NOX1: variants seen among roughly 807,000 people sequenced by gnomAD.
The protein encoded by NOX1 is NADH/NADPH mitogenic oxidase subunit P65-MOX.
A neutral mutation model predicts 42.5 loss-of-function variants in NOX1; 34 were observed. That is an observed-to-expected ratio of 0.80 (90% CI 0.61 to 1.07). The LOEUF is 1.07. NOX1 is among the 50% of genes least tolerant of loss of function. The probability of loss-of-function intolerance (pLI) is 0.00; values close to 1 mark genes in which losing one functional copy is unlikely to be tolerated. For missense variants in NOX1, 408 were observed against 427.0 expected, an observed-to-expected ratio of 0.96 and a Z score of 0.39; for synonymous variants, 143 against 152.5, an observed-to-expected ratio of 0.94 and a Z score of 0.46.
intron 12 of NOX1, among the ~76,000 whole-genome samples, chrX:100,846,401 T>G (rs1225639852): frequency 8.9e-6 from 1 of 112,066 alleles, no homozygotes; most frequent in Non-Finnish European, 1.9e-5. Context: ...TTTATTTTAT[T>G]TTATGTACTG....
chrX:100,849,298 G>A lies in NOX1; in HGVS notation c.1425C>T (p.Thr475=), dbSNP rs377662278. ...VGFLNYRLFL[T]GWDSNIVGHA... is the part of the protein sequence containing the mutation. ...GACTCACAATATTGCTGTCCCATCCGGTGAGGAAGAGACGGTAGTTTAGAA... is the reference window on the plus strand; with the variant it reads ...GACTCACAATATTGCTGTCCCATCCAGTGAGGAAGAGACGGTAGTTTAGAA... Residue 475 remains threonine (T), a synonymous_variant, in exon 11 of 13, where the codon ACC becomes ACT. Transcript: ENST00000372966. 13 of 1,211,000 alleles carry A rather than the reference G, an allele frequency of 1.1e-5. No homozygotes were observed. Among genetic ancestry groups the A allele is most frequent in the Middle Eastern group, 2.3e-4 (1 of 4,316 alleles).
chrX:100,863,439 C>G (rs1028291653), intron 3 of NOX1, 46 bp downstream of exon 3: 38 of 1,168,649 alleles, frequency 3.3e-5, no homozygotes, highest in Non-Finnish European at 4.4e-5. Flanking sequence ...AGTCTGGGGT[C>G]TCCTTCTTTA....
chrX:100,849,432 A>T lies in NOX1; in HGVS notation c.1297-6T>A. On this transcript the variant is annotated splice_polypyrimidine_tract_variant and splice_region_variant and intron_variant, in intron 10 of 12. Transcript: ENST00000372966. Reference sequence around the variant, plus strand: ...CAGATCCAGTAGAAATAGATCTGAAATCAGCAAGAGAGAACATAGCCTTAT... The same window carrying T: ...CAGATCCAGTAGAAATAGATCTGAATTCAGCAAGAGAGAACATAGCCTTAT... 8.3e-7 allele frequency: 1 copy of T among 1,208,875 alleles called. No individual in the cohort carries two copies. Among genetic ancestry groups the T allele is most frequent in the Non-Finnish European group, 1.1e-6 (1 of 893,609 alleles).
chrX:100,850,163 G>A lies in NOX1; in HGVS notation c.1121C>T (p.Ser374Leu), dbSNP rs2085103750. 2.5e-6 allele frequency: 3 copies of A among 1,205,826 alleles called. No homozygotes were observed. The highest frequency in any genetic ancestry group is 5.9e-5 in the East Asian group (2 of 33,747). The change falls in exon 9 of 13, where the codon TCA (serine) becomes TTA (leucine). Residue 374 changes from serine to leucine, a missense_variant. By Grantham distance (145) the Ser-to-Leu change is moderately radical. Transcript: ENST00000372966. ...NLIRAFEQQY[S>L]PIPRIEVDGP... ...CTCAAGGACCTACCTGGGAATTGGT[G>A]AATATTGTTGTTCGAAAGCCCTTAT...
chrX:100,870,824 G>GAA lies in NOX1; in HGVS notation c.46-12_46-11dup. 4.8e-6 allele frequency: 5 copies of GAA among 1,042,896 alleles called. No homozygotes were observed. Among genetic ancestry groups the GAA allele is most frequent in the African/African-American group, 3.8e-5 (2 of 52,279 alleles). The allele number at this position is 1,042,896 out of a possible 1,213,427, so 85.9% of individuals were successfully genotyped here. A position where few individuals can be genotyped will look rare whatever the true frequency, so the allele number is the denominator to read the frequency against. ...GCCCTAACCAAACAACCTAGAGAAA[G>GAA]AAAAAAAAACATGCAAAGAATAAAG... On this transcript the variant is annotated splice_polypyrimidine_tract_variant and intron_variant, in intron 1 of 12. Transcript: ENST00000372966.
At chrX:100,848,008 G>A (rs927158341) in intron 12 of NOX1, among the ~76,000 whole-genome samples, 6 of 110,612 alleles carry the variant, frequency 5.4e-5, no homozygotes, top group African/African-American at 1.6e-4. Flanking sequence ...TCCCCTCCCC[G>A]CAAAAATGCA....
At chrX:100,853,293 T>TCCTTC (rs2085134351) in intron 7 of NOX1, among the ~76,000 whole-genome samples, 1 of 69,502 alleles carries the variant, frequency 1.4e-5, no homozygotes, top group African/African-American at 5.1e-5. Flanking sequence ...TTTCTTTCTT[T>TCCTTC]CTTTCTTTCT....
At position 100,843,484 on chromosome X, in the gene NOX1, A is replaced by T. The variant is rs1212798397; in HGVS notation, c.*468T>A. On this transcript the variant is annotated 3_prime_UTR_variant, in exon 13 of 13. Transcript: ENST00000372966. Reference sequence around the variant, plus strand: ...GTAATTTTGTTTATTATTTATGTTTATTATTATGTTTTATCATTAATTATT... The same window carrying T: ...GTAATTTTGTTTATTATTTATGTTTTTTATTATGTTTTATCATTAATTATT... The T allele has an allele frequency of 4.7e-6, 5 of 1,069,118 alleles. No homozygotes were observed. Among genetic ancestry groups the T allele is most frequent in the Admixed American group, 8.8e-5 (2 of 22,660 alleles). 88.1% of individuals were successfully genotyped at this position (1,069,118 alleles called of 1,213,427 possible). A position where few individuals can be genotyped will look rare whatever the true frequency, so the allele number is the denominator to read the frequency against.
chrX:100,861,396 A>T (rs2085202634), intron 7 of NOX1, among the ~76,000 whole-genome samples: 1 of 111,477 alleles, frequency 9.0e-6, no homozygotes, highest in Non-Finnish European at 1.9e-5. Context: ...TGATTTAAAG[A>T]CCTTAATCAT....
chrX:100,844,900 C>T (rs2085062080), intron 12 of NOX1, among the ~76,000 whole-genome samples: 1 of 111,967 alleles, frequency 8.9e-6, no homozygotes, highest in Admixed American at 9.4e-5. Context: ...TCCCATTAAA[C>T]CCATCCACTG....
chrX:100,843,378 G>A lies in NOX1; in HGVS notation c.*574C>T, dbSNP rs2085049091. The A allele has an allele frequency of 8.8e-7, 1 of 1,130,965 alleles. No homozygotes were observed. The highest frequency in any genetic ancestry group is 3.0e-5 in the Admixed American group (1 of 33,504). 93.2% of individuals were successfully genotyped at this position (1,130,965 alleles called of 1,213,427 possible). A position where few individuals can be genotyped will look rare whatever the true frequency, so the allele number is the denominator to read the frequency against. On this transcript the variant is annotated 3_prime_UTR_variant, in exon 13 of 13. Coordinates refer to ENST00000372966, the MANE Select transcript of NOX1 (RefSeq NM_007052.5). The stretch of plus-strand genomic sequence containing the variant: ...TGATGAGCAAAAATAAGAATAAATT[G>A]CTGTTCACACTGGATAAGACCATAT...
At chrX:100,861,994 C>T (rs1456472735) in intron 7 of NOX1, among the ~76,000 whole-genome samples, 177 bp downstream of exon 7, 1 of 111,923 alleles carries the variant, frequency 8.9e-6, no homozygotes, top group Non-Finnish European at 1.9e-5. Flanking sequence ...CTTGTAATTG[C>T]CTGTTGCCAG....
rs750992436 is a variant in NOX1 at position 100,862,218 on chromosome X, G to T, written c.757C>A (p.Arg253Ser). ...TTAGGGCGCCTACAGTGGGAGTCACGATCATCCCACATCTCAAAAGACTCT... is the reference window on the plus strand; with the variant it reads ...TTAGGGCGCCTACAGTGGGAGTCACTATCATCCCACATCTCAAAAGACTCT... ...CAESFEMWDDRDSHCRRPKFE... is the reference protein window; with the variant it reads ...CAESFEMWDDSDSHCRRPKFE... The change falls in exon 7 of 13, where the codon CGT (arginine) becomes AGT (serine). Residue 253 changes from arginine to serine, a missense_variant. By Grantham distance (110) the Arg-to-Ser change is moderately radical. Transcript: ENST00000372966. The T allele has an allele frequency of 8.3e-7, 1 of 1,209,740 alleles. No homozygotes were observed. Among genetic ancestry groups the T allele is most frequent in the Non-Finnish European group, 1.1e-6 (1 of 894,919 alleles).
At chrX:100,849,742 C>T (rs1415798913) in intron 10 of NOX1, 30 bp downstream of exon 10, 26 of 1,173,400 alleles carry the variant, frequency 2.2e-5, no homozygotes, top group Non-Finnish European at 2.7e-5. Flanking sequence ...CAGACTCAGG[C>T]CAGAAGAAAA....
intron 7 of NOX1, among the ~76,000 whole-genome samples, chrX:100,857,030 A>T (rs1178534218): frequency 9.0e-6 from 1 of 110,601 alleles, no homozygotes; most frequent in Non-Finnish European, 1.9e-5. Flanking sequence ...CTCTCTCTCC[A>T]CCCTTTCTCC....
At chrX:100,845,928 C>T (rs1249206540) in intron 12 of NOX1, among the ~76,000 whole-genome samples, 2 of 109,744 alleles carry the variant, frequency 1.8e-5, no homozygotes, top group Admixed American at 9.7e-5. Context: ...GGACTACAGG[C>T]GCCCGCCACC....
At chrX:100,871,263 C>T (rs1055310854) in intron 1 of NOX1, among the ~76,000 whole-genome samples, 28 of 111,991 alleles carry the variant, frequency 2.5e-4, no homozygotes, top group Admixed American at 7.6e-4. Flanking sequence ...GATACAATGA[C>T]GGAGTAGAGT....
chrX:100,862,965 G>A (rs184452959), intron 4 of NOX1, 145 bp from the exon 5 acceptor site: 11 of 630,005 alleles, frequency 1.7e-5, no homozygotes, highest in East Asian at 9.8e-5. Flanking sequence ...CCTCGATTGC[G>A]GAGAGATCTT....
At chrX:100,853,250 C>CTTTAT (rs1476648401) in intron 7 of NOX1, among the ~76,000 whole-genome samples, 41 of 40,239 alleles carry the variant, frequency 1.0e-3, no homozygotes, top group African/African-American at 4.5e-3. Flanking sequence ...TCTTTCCTTC[C>CTTTAT]TTCCTTCCTT....
Sources: gnomAD v4.1 joint callset for allele counts (sites outside exome capture counted in the v4.1 genomes callset) on GRCh38, gnomAD v4.1.1 for gene constraint, MANE v1.5 for transcripts, NCBI Gene and HGNC (gene_info 2026-07-23, HGNC 2026-07-21) for gene names.